Variants in PHF14 observed in about 807,000 individuals in gnomAD.
PHF14 encodes PHD finger protein 14.
Under a neutral mutation model 117.9 loss-of-function variants are expected in PHF14, and 55 were observed. That is an observed-to-expected ratio of 0.47 (90% CI 0.38 to 0.58). PHF14 has a LOEUF of 0.58. PHF14 is among the 20% of genes least tolerant of loss of function. The probability of loss-of-function intolerance (pLI) is 0.00; values close to 1 mark genes in which losing one functional copy is unlikely to be tolerated. For synonymous variants in PHF14, 409 were observed against 368.6 expected, an observed-to-expected ratio of 1.11 and a Z score of -1.26; for missense variants, 978 against 1,122.2, an observed-to-expected ratio of 0.87 and a Z score of 1.84.
intron 4 of PHF14, among the ~76,000 whole-genome samples, chr7:11,012,329 C>T (rs565830600): frequency 6.6e-6 from 1 of 152,268 alleles, no homozygotes; most frequent in South Asian, 2.1e-4. Flanking sequence ...GGAATTGGTT[C>T]CAGGACCCCT....
At chr7:11,040,038 C>T (rs1784448242) in intron 11 of PHF14, among the ~76,000 whole-genome samples, 2 of 152,066 alleles carry the variant, frequency 1.3e-5, no homozygotes, top group Admixed American at 1.3e-4. Context: ...TATTAAAAGA[C>T]TTTTAACAGA....
At position 11,130,670 on chromosome 7, in the gene PHF14, A is replaced by G. The variant is rs1583489334; in HGVS notation, c.2772+19203A>G. ...AAAATTGATGAGCCAGTATTGATAC[A>G]TTATTATTAACTAAAGTTTGTTGTT... On this transcript the variant is annotated intron_variant, in intron 17 of 17. Coordinates refer to ENST00000634607, the MANE Select transcript of PHF14 (RefSeq NM_001007157.2). This position sits in a 1 kb window ranked among gnomAD's most constrained non-coding sequence, Gnocchi z 4.2. Among the ~76,000 whole-genome samples the G allele has an allele frequency of 6.6e-6, 1 of 151,936 alleles. No individual in the cohort carries two copies. Among genetic ancestry groups the G allele is most frequent in the Non-Finnish European group, 1.5e-5 (1 of 67,942 alleles).
chr7:11,133,417 G>A (rs1297812384), intron 17 of PHF14, among the ~76,000 whole-genome samples: 1 of 151,934 alleles, frequency 6.6e-6, no homozygotes, highest in Non-Finnish European at 1.5e-5. Context: ...ACTGATACTT[G>A]ACAATGCAGC....
intron 16 of PHF14, chr7:11,063,243 T>A (rs1785300429): frequency 1.0e-6 from 1 of 984,842 alleles, no homozygotes; most frequent in Non-Finnish European, 1.2e-6. Flanking sequence ...ATGTAGAGTG[T>A]GTTGGGAGCT....
In PHF14 at chr7:11,122,331, T is replaced by TTATATATATATATATATATATATATA. The variant is rs146463909; in HGVS notation, c.2772+10886_2772+10887insTATATATATATATATATATATATATA. Among the ~76,000 whole-genome samples the TTATATATATATATATATATATATATA allele has an allele frequency of 1.0e-3, 85 of 83,972 alleles. 1 individual carries two copies. The highest frequency in any genetic ancestry group is 2.0e-3 in the African/African-American group (34 of 16,900). The allele number at this position is 83,972 out of a possible 152,430, so 55.1% of individuals were successfully genotyped here. ...AAGGGGAGATTACTGTTTGTACTTT[T>TTATATATATATATATATATATATATA]TATATATATATATATATATATACAC... On this transcript the variant is annotated intron_variant, in intron 17 of 17. Transcript: ENST00000634607.
At chr7:11,137,210 G>A (rs1265494717) in intron 17 of PHF14, among the ~76,000 whole-genome samples, 1 of 152,158 alleles carries the variant, frequency 6.6e-6, no homozygotes, top group African/African-American at 2.4e-5. Context: ...CAAAATTAAT[G>A]CCACAGAACA....
chr7:11,146,231 ATGCCACAGGAATATCAGATGGGATATATC>A (rs1292975965), intron 17 of PHF14, among the ~76,000 whole-genome samples: 22 of 152,302 alleles, frequency 1.4e-4, no homozygotes, highest in Non-Finnish European at 2.5e-4. Flanking sequence ...TTTTGAAAAT[ATGCCACAGGAATATCAGATGGGATATATC>A]TGCCACAGGA....
intron 16 of PHF14, among the ~76,000 whole-genome samples, chr7:11,068,186 TA>T (rs1785487239): frequency 1.3e-5 from 2 of 151,356 alleles, no homozygotes; most frequent in African/African-American, 2.4e-5. Context: ...CCGTCTCTAC[TA>T]AAAAATACAA....
chr7:11,009,964 A>G (rs1157308337), intron 4 of PHF14, among the ~76,000 whole-genome samples: 1 of 152,202 alleles, frequency 6.6e-6, no homozygotes. Context: ...CTTTAAAAAT[A>G]TAATTGAAAA....
intron 16 of PHF14, among the ~76,000 whole-genome samples, chr7:11,091,649 T>A (rs1202523053): frequency 6.6e-6 from 1 of 152,012 alleles, no homozygotes; most frequent in Non-Finnish European, 1.5e-5. Context: ...TTCCAGCTAC[T>A]CCGGAGGCTG....
intron 3 of PHF14, among the ~76,000 whole-genome samples, chr7:10,985,999 C>T (rs1432142219): frequency 4.6e-5 from 7 of 151,782 alleles, no homozygotes; most frequent in East Asian, 3.9e-4. Flanking sequence ...GACAGATTCT[C>T]GCTTTGTTTC....
intron 2 of PHF14, among the ~76,000 whole-genome samples, chr7:10,978,991 C>G (rs1781964782): frequency 1.3e-5 from 2 of 152,112 alleles, no homozygotes; most frequent in African/African-American, 4.8e-5. Flanking sequence ...AGTGATTGAT[C>G]TGTTATCTAT....
intron 4 of PHF14, among the ~76,000 whole-genome samples, chr7:11,009,007 G>T (rs893791904): frequency 2.1e-5 from 3 of 144,886 alleles, no homozygotes; most frequent in Non-Finnish European, 4.5e-5. Flanking sequence ...CTGTACTCCA[G>T]CCTGGGCGAC....
At chr7:11,153,398 G>T (rs1788754225) in intron 17 of PHF14, among the ~76,000 whole-genome samples, 1 of 152,074 alleles carries the variant, frequency 6.6e-6, no homozygotes, top group South Asian at 2.1e-4. Context: ...TTTTAGTGGG[G>T]GTAGGGGAAG....
At chr7:11,162,587 C>T (rs548356105) in intron 17 of PHF14, among the ~76,000 whole-genome samples, 1 of 152,056 alleles carries the variant, frequency 6.6e-6, no homozygotes, top group East Asian at 1.9e-4. Context: ...TCTTTGTTGC[C>T]TTTAGTGTAA....
Position 11,099,386 on chromosome 7 carries a change from T to A in PHF14, c.2655-11964T>A, listed in dbSNP as rs551357861. 2.0e-5 allele frequency among the ~76,000 whole-genome samples: 3 copies of A among 152,264 alleles called. No homozygotes were observed. In the East Asian group the frequency reaches 5.8e-4, roughly 29 times the overall value. ...CACATTTTTAATAGATGCAGTATAG[T>A]CAGGTAATTTGTATTTAAAGAAAAC... On this transcript the variant is annotated intron_variant, in intron 16 of 17. Coordinates refer to ENST00000634607, the MANE Select transcript of PHF14 (RefSeq NM_001007157.2).
chr7:11,159,922 CT>C (rs1250036798), intron 17 of PHF14, among the ~76,000 whole-genome samples: 1 of 152,018 alleles, frequency 6.6e-6, no homozygotes, highest in African/African-American at 2.4e-5. Context: ...AGGTTTTCAA[CT>C]TTTATTTTAG....
At position 10,985,636 on chromosome 7, in the gene PHF14, C is replaced by CCGGTTTTTTTTTTTTTTTT. The variant is rs750860479; in HGVS notation, c.900+2477_900+2478insCGGTTTTTTTTTTTTTTTT. ...ATACTCTCTAGCAGTGATTCTCAAA[C>CCGGTTTTTTTTTTTTTTTT]TGTTTTTTTTTTTTTTTTTTTTTTT... On this transcript the variant is annotated intron_variant, in intron 3 of 17. Coordinates refer to ENST00000634607, the MANE Select transcript of PHF14 (RefSeq NM_001007157.2). Among the ~76,000 whole-genome samples, 12 of 90,860 alleles carry CCGGTTTTTTTTTTTTTTTT rather than the reference C, an allele frequency of 1.3e-4. 1 individual carries two copies. The East Asian group carries it at 2.5e-3, about 19-fold the overall frequency. The allele number at this position is 90,860 out of a possible 152,430, so 59.6% of individuals were successfully genotyped here. A position where few individuals can be genotyped will look rare whatever the true frequency, so the allele number is the denominator to read the frequency against.
At chr7:11,164,584 C>G (rs1363152207) in intron 17 of PHF14, among the ~76,000 whole-genome samples, 2 of 152,116 alleles carry the variant, frequency 1.3e-5, no homozygotes, top group Non-Finnish European at 2.9e-5. Context: ...ATTTAGGAAA[C>G]TTTCATTAGG....
Sources: gnomAD v4.1 joint callset for allele counts (sites outside exome capture counted in the v4.1 genomes callset) on GRCh38, gnomAD v4.1.1 for gene constraint, Gnocchi (gnomAD v3.1) non-coding constraint, MANE v1.5 for transcripts, NCBI Gene and HGNC (gene_info 2026-07-23, HGNC 2026-07-21) for gene names.